The following TAOK3 variants were observed in gnomAD, a reference collection of about 807,000 sequenced individuals.
The protein encoded by TAOK3 is TAO kinase 3.
Under a neutral mutation model 120.4 loss-of-function variants are expected in TAOK3, and 40 were observed. The observed-to-expected ratio is 0.33, with a 90% CI of 0.26 to 0.43. The LOEUF (loss-of-function observed/expected upper bound fraction) is 0.43, where lower values mean the gene tolerates loss of function less well. TAOK3 is among the 20% of genes least tolerant of loss of function. TAOK3 has a pLI of 1.00. For missense variants in TAOK3, 821 were observed against 1,112.1 expected (o/e 0.74, Z 3.72); for synonymous variants, 355 against 387.5 (o/e 0.92, Z 0.99).
At chr12:118,329,270 T>C (rs1355065982) in intron 1 of TAOK3, among the ~76,000 whole-genome samples, 2 of 152,194 alleles carry the variant, frequency 1.3e-5, no homozygotes, top group Non-Finnish European at 2.9e-5. Context: ...AAAGGCATGA[T>C]AGCCCATTCT....
In TAOK3 at chr12:118,172,583, G is replaced by A; in HGVS notation, c.1773C>T (p.His591=). Reference sequence around the variant, plus strand: ...GGTGGGCTTCCTCTTCAGCCTGTGTGTGCTGCAAGTTCTCTTTATGTTTGG... The same window carrying A: ...GGTGGGCTTCCTCTTCAGCCTGTGTATGCTGCAAGTTCTCTTTATGTTTGG... ...RISKHKENLQ[H]TQAEEEAHLL... The change falls in exon 17 of 21, where the codon CAC becomes CAT. Residue 591 remains histidine, a synonymous_variant. Coordinates refer to ENST00000392533, the MANE Select transcript of TAOK3 (RefSeq NM_016281.4). 6.2e-7 allele frequency: 1 copy of A among 1,614,162 alleles called. No individual in the cohort carries two copies. Among genetic ancestry groups the A allele is most frequent in the Non-Finnish European group, 8.5e-7 (1 of 1,180,020 alleles).
At chr12:118,198,203 T>C (rs1382906576) in intron 13 of TAOK3, among the ~76,000 whole-genome samples, 1 of 152,064 alleles carries the variant, frequency 6.6e-6, no homozygotes, top group Non-Finnish European at 1.5e-5. Flanking sequence ...TACAAAGCTC[T>C]CTCTGTCTCA....
chr12:118,300,298 G>C (rs2042831256), intron 1 of TAOK3, among the ~76,000 whole-genome samples: 1 of 152,176 alleles, frequency 6.6e-6, no homozygotes, highest in Admixed American at 6.5e-5. Flanking sequence ...AGGTGTAAAA[G>C]AAAGTCTCTT....
intron 9 of TAOK3, among the ~76,000 whole-genome samples, chr12:118,218,969 A>C (rs886887734): frequency 3.9e-5 from 6 of 152,090 alleles, no homozygotes; most frequent in African/African-American, 1.4e-4. Context: ...AAATAACTAA[A>C]TAAATAAAAC....
At chr12:118,221,464 T>C (rs2039227317) in intron 9 of TAOK3, among the ~76,000 whole-genome samples, 1 of 151,936 alleles carries the variant, frequency 6.6e-6, no homozygotes, top group Admixed American at 6.6e-5. Context: ...TGACCTCAGG[T>C]GAACCACCTG....
chr12:118,294,039 T>C (rs934176812), intron 1 of TAOK3, among the ~76,000 whole-genome samples: 1 of 151,566 alleles, frequency 6.6e-6, no homozygotes, highest in East Asian at 1.9e-4. Flanking sequence ...AAGAAGGCTG[T>C]TATAACTGAG....
chr12:118,360,887 T>C (rs565308704), intron 1 of TAOK3, among the ~76,000 whole-genome samples: 2 of 152,292 alleles, frequency 1.3e-5, no homozygotes, highest in Non-Finnish European at 2.9e-5. Flanking sequence ...CACACAAAAG[T>C]AGTGTTCTTT....
intron 11 of TAOK3, among the ~76,000 whole-genome samples, chr12:118,206,245 G>A (rs1233317794): frequency 6.6e-6 from 1 of 152,202 alleles, no homozygotes; most frequent in Non-Finnish European, 1.5e-5. Context: ...AGCTTGGGTC[G>A]ATGACGACAT....
intron 9 of TAOK3, among the ~76,000 whole-genome samples, chr12:118,224,319 A>G (rs2039398104): frequency 1.3e-5 from 2 of 152,264 alleles, no homozygotes; most frequent in Non-Finnish European, 1.5e-5. Context: ...AGAAGACTAA[A>G]TATAACCCCT....
intron 7 of TAOK3, among the ~76,000 whole-genome samples, chr12:118,237,459 G>A (rs1460844551): frequency 6.6e-6 from 1 of 152,046 alleles, no homozygotes; most frequent in Non-Finnish European, 1.5e-5. Context: ...GTGTGGTTGT[G>A]GTAGAGAAAA....
chr12:118,222,068 G>C (rs2039263377), intron 9 of TAOK3, among the ~76,000 whole-genome samples: 1 of 152,304 alleles, frequency 6.6e-6, no homozygotes, highest in South Asian at 2.1e-4. Flanking sequence ...ATCAATCTCT[G>C]TCATGTAAGA....
chr12:118,288,628 TGCTTAAGCCAGGGGCGGTG>T (rs2042348937), intron 1 of TAOK3, among the ~76,000 whole-genome samples: 1 of 152,090 alleles, frequency 6.6e-6, no homozygotes, highest in Non-Finnish European at 1.5e-5. Context: ...TAAGATAACA[TGCTTAAGCCAGGGGCGGTG>T]GCTCACGCCT....
At chr12:118,167,607 G>A (rs1163494541) in intron 17 of TAOK3, among the ~76,000 whole-genome samples, 1 of 151,642 alleles carries the variant, frequency 6.6e-6, no homozygotes, top group African/African-American at 2.4e-5. Context: ...AAACAGTGGA[G>A]TGGACATCTG....
intron 2 of TAOK3, among the ~76,000 whole-genome samples, chr12:118,256,833 G>C (rs1179817623): frequency 6.6e-6 from 1 of 152,142 alleles, no homozygotes; most frequent in Non-Finnish European, 1.5e-5. Context: ...ATTGACTGTG[G>C]TGATGACTGC....
rs756607862 is a variant in TAOK3 at position 118,348,845 on chromosome 12, C to CTT, written c.-194+23801_-194+23802dup. ...TGAGGGGGGAGAAAAAAAATAATTT[C>CTT]TTTTTTTTTTTTTTTTTTTTGAGAA... On this transcript the variant is annotated intron_variant, in intron 1 of 20. Transcript: ENST00000392533. 1.2e-3 allele frequency among the ~76,000 whole-genome samples: 154 copies of CTT among 127,796 alleles called. 5 individuals are homozygous for CTT. Among genetic ancestry groups the CTT allele is most frequent in the Non-Finnish European group, 1.9e-3 (113 of 59,028 alleles). The allele number at this position is 127,796 out of a possible 152,430, so 83.8% of individuals were successfully genotyped here.
At chr12:118,270,554 A>C (rs1223391315) in intron 1 of TAOK3, among the ~76,000 whole-genome samples, 1 of 152,002 alleles carries the variant, frequency 6.6e-6, no homozygotes, top group Non-Finnish European at 1.5e-5. Context: ...AATTCCATTC[A>C]GTTACATTTG....
At chr12:118,199,590 TG>T in intron 12 of TAOK3, 1 of 334,634 alleles carries the variant, frequency 3.0e-6, no homozygotes, top group Non-Finnish European at 5.7e-6. Context: ...AGGGACCTTC[TG>T]GAACATCAAG....
intron 17 of TAOK3, among the ~76,000 whole-genome samples, chr12:118,166,538 CAA>C (rs1276962566): frequency 8.4e-4 from 56 of 66,314 alleles, no homozygotes; most frequent in African/African-American, 2.1e-3. Context: ...AACTCCGTCT[CAA>C]AAAAAAAAAA....
chr12:118,215,115 G>A (rs1172799581), intron 9 of TAOK3, among the ~76,000 whole-genome samples: 2 of 150,574 alleles, frequency 1.3e-5, no homozygotes, highest in African/African-American at 2.4e-5. Context: ...TCCTGACCTC[G>A]TGATCCACCC....
Sources: gnomAD v4.1 joint callset for allele counts (sites outside exome capture counted in the v4.1 genomes callset) on GRCh38, gnomAD v4.1.1 for gene constraint, MANE v1.5 for transcripts, NCBI Gene and HGNC (gene_info 2026-07-23, HGNC 2026-07-21) for gene names.